The following TBC1D15 variants were observed in gnomAD, a reference collection of about 807,000 sequenced individuals.
The protein encoded by TBC1D15 is GAP for RAB7.
TBC1D15 carries 39 observed loss-of-function variants against 95.4 expected under a neutral mutation model. The observed-to-expected ratio is 0.41, with a 90% CI of 0.32 to 0.53. The LOEUF (loss-of-function observed/expected upper bound fraction) is 0.53. Among genes scored for constraint, TBC1D15 ranks in the 20% least tolerant of loss-of-function variants. TBC1D15 has a pLI of 0.29. For missense variants in TBC1D15, 733 were observed against 794.3 expected (o/e 0.92, Z 0.93); for synonymous variants, 258 against 261.3 (o/e 0.99, Z 0.12).
chr12:71,852,153 G>A (rs1887986241), intron 1 of TBC1D15, among the ~76,000 whole-genome samples: 1 of 152,192 alleles, frequency 6.6e-6, no homozygotes, highest in Admixed American at 6.5e-5. Context: ...AACTGCTATG[G>A]CTTATAGCTT....
At chr12:71,901,048 A>G (rs142519492) in intron 10 of TBC1D15, among the ~76,000 whole-genome samples, 11 of 152,276 alleles carry the variant, frequency 7.2e-5, no homozygotes, top group Non-Finnish European at 1.6e-4. Context: ...TTTGTCTTTC[A>G]AGAGACAGAT....
At chr12:71,875,337 C>T (rs1052474810) in intron 3 of TBC1D15, among the ~76,000 whole-genome samples, 1 of 152,076 alleles carries the variant, frequency 6.6e-6, no homozygotes, top group Admixed American at 6.5e-5. Context: ...TGTTTTTTCA[C>T]TTTCTTTTTG....
At position 71,907,150 on chromosome 12, in the gene TBC1D15, A is replaced by G. The variant is rs539515692; in HGVS notation, c.1300+12A>G. On this transcript the variant is annotated intron_variant, in intron 11 of 16. Transcript: ENST00000485960. ...TGATTTTGATTTAGGTAAGTTCTCT[A>G]AAGTTCTAATTTTAAAAGATGTAAA... 1.0e-4 allele frequency: 147 copies of G among 1,475,366 alleles called. No individual in the cohort carries two copies. The East Asian group carries it at 1.6e-3, about 16-fold the overall frequency. 91.4% of individuals were successfully genotyped at this position (1,475,366 alleles called of 1,614,324 possible).
chr12:71,840,393 A>G (rs1884667349), intron 1 of TBC1D15, among the ~76,000 whole-genome samples: 2 of 152,154 alleles, frequency 1.3e-5, no homozygotes, highest in Non-Finnish European at 2.9e-5. Flanking sequence ...GGAGATTTAC[A>G]CCATCCTGTG....
intron 3 of TBC1D15, among the ~76,000 whole-genome samples, chr12:71,874,302 G>T (rs1893310148): frequency 6.6e-6 from 1 of 152,140 alleles, no homozygotes; most frequent in African/African-American, 2.4e-5. Flanking sequence ...GAAGTTGTAT[G>T]TCGTTGTGGT....
intron 14 of TBC1D15, among the ~76,000 whole-genome samples, chr12:71,919,201 CTTT>C (rs34109729): frequency 4.0e-4 from 53 of 131,398 alleles, no homozygotes; most frequent in Non-Finnish European, 5.7e-4. Flanking sequence ...AATCAGTGTG[CTTT>C]TTTTTTTTTT....
intron 1 of TBC1D15, among the ~76,000 whole-genome samples, chr12:71,846,772 T>C (rs1886382978): frequency 1.3e-5 from 2 of 150,380 alleles, no homozygotes; most frequent in Admixed American, 1.3e-4. Flanking sequence ...TTTTTTTTTT[T>C]TTGCCCTGAG....
At chr12:71,840,125 C>G (rs1006756234) in intron 1 of TBC1D15, among the ~76,000 whole-genome samples, 1 of 152,198 alleles carries the variant, frequency 6.6e-6, no homozygotes, top group Non-Finnish European at 1.5e-5. Flanking sequence ...CCCCGATTCA[C>G]TGTTTCTTGA....
rs77229940 is a variant in TBC1D15, at chr12:71,880,162, T to G, written c.205-307T>G. Among the ~76,000 whole-genome samples the G allele has an allele frequency of 9.0e-4, 137 of 152,206 alleles. 1 individual carries two copies. The East Asian group carries it at 0.02, about 22-fold the overall frequency. On this transcript the variant is annotated intron_variant, in intron 3 of 16. Coordinates refer to ENST00000485960, the MANE Select transcript of TBC1D15 (RefSeq NM_001146213.3). ...TTTATTTTTAGGCAGCATGGTTACA[T>G]TCAAAGCAGGAAAAAGGAAAAAAAG... is the stretch of plus-strand genomic sequence containing the variant.
rs73336882 is a variant in TBC1D15 at position 71,918,675 on chromosome 12, A to T, written c.1599+127A>T. ...AAGGCAAGTATGTTCCAAAATTCTG[A>T]TGAACTGGTAGCCTCTTCTTAAAAA... On this transcript the variant is annotated intron_variant, in intron 14 of 16. Transcript: ENST00000485960. The T allele has an allele frequency of 9.1e-3, 5,278 of 577,750 alleles. 239 individuals carry two copies. In the African/African-American group the frequency reaches 0.092, roughly 10 times the overall value. 35.8% of individuals were successfully genotyped at this position (577,750 alleles called of 1,614,324 possible). A position where few individuals can be genotyped will look rare whatever the true frequency, so the allele number is the denominator to read the frequency against.
Position 71,884,820 on chromosome 12 carries a change from G to A in TBC1D15, c.353G>A (p.Ser118Asn), listed in dbSNP as rs773508285. Residue 118 changes from serine (S) to asparagine (N), a missense_variant, in exon 5 of 17, where the codon AGT (serine) becomes AAT (asparagine). Coordinates refer to ENST00000485960, the MANE Select transcript of TBC1D15 (RefSeq NM_001146213.3). ...CTTTCTTGTTTTTAAGATGCTCCAAGTCATAGAAATGGGAAAAGCAAATGG... is the reference window on the plus strand; with the variant it reads ...CTTTCTTGTTTTTAAGATGCTCCAAATCATAGAAATGGGAAAAGCAAATGG... ...RKPHTNGDAP[S>N]HRNGKSKWSF... The A allele has an allele frequency of 5.0e-6, 8 of 1,613,878 alleles. No homozygotes were observed. The highest frequency in any genetic ancestry group is 6.8e-6 in the Non-Finnish European group (8 of 1,179,862).
chr12:71,895,917 G>A lies in TBC1D15; in HGVS notation c.856-30G>A, dbSNP rs374953377. On this transcript the variant is annotated intron_variant, in intron 7 of 16. Coordinates refer to ENST00000485960, the MANE Select transcript of TBC1D15 (RefSeq NM_001146213.3). The stretch of plus-strand genomic sequence containing the variant: ...TTATTTCATTTCACTGGTTAAATAT[G>A]TACTTATTATTGCTTAATCTTATTT... 1,509 of 1,602,208 alleles carry A rather than the reference G, an allele frequency of 9.4e-4. 31 individuals are homozygous for A. In the South Asian group the frequency reaches 0.016, roughly 17 times the overall value.
At chr12:71,902,853 C>CTG (rs1226505009) in intron 10 of TBC1D15, among the ~76,000 whole-genome samples, 1 of 152,178 alleles carries the variant, frequency 6.6e-6, no homozygotes, top group African/African-American at 2.4e-5. Context: ...TACCCAGAAT[C>CTG]TGTAAGGAAC....
rs1446506063 is a variant in TBC1D15, at chr12:71,884,998, T to A, written c.531T>A (p.Leu177=). ...ATAGCAAACTACTGATTGAATCTCT[T>A]GAAAAATATGTGGTATTGTGTGAGT... ...QGDSKLLIES[L]EKYVVLCESP... is the part of the protein sequence containing the mutation. The change falls in exon 5 of 17, where the codon CTT becomes CTA. Residue 177 remains leucine (L), a synonymous_variant. Transcript: ENST00000485960. 1 of 1,613,672 alleles carries A rather than the reference T, an allele frequency of 6.2e-7. No individual in the cohort carries two copies. The highest frequency in any genetic ancestry group is 8.5e-7 in the Non-Finnish European group (1 of 1,179,806).
At chr12:71,896,802 A>G (rs753265903) in intron 9 of TBC1D15, 22 bp downstream of exon 9, 4 of 1,583,300 alleles carry the variant, frequency 2.5e-6, no homozygotes, top group Non-Finnish European at 3.5e-6. Context: ...TCTTTCGTAC[A>G]TTTATCAAAG....
chr12:71,922,253 T>G (rs759434853), intron 16 of TBC1D15, among the ~76,000 whole-genome samples: 1 of 152,120 alleles, frequency 6.6e-6, no homozygotes, highest in Non-Finnish European at 1.5e-5. Context: ...CCTGGCTAAT[T>G]TTTGTATTTT....
intron 3 of TBC1D15, among the ~76,000 whole-genome samples, chr12:71,875,367 C>T (rs914146390): frequency 1.3e-4 from 20 of 152,120 alleles, no homozygotes; most frequent in South Asian, 6.2e-4. Context: ...GAAGCACAAA[C>T]GGTTTTAATT....
intron 3 of TBC1D15, among the ~76,000 whole-genome samples, chr12:71,876,787 A>AT (rs200390829): frequency 0.072 from 9,856 of 136,120 alleles, 473 homozygotes; most frequent in South Asian, 0.16. Context: ...TTTCCCGTGG[A>AT]TTTTTTTTTT....
At chr12:71,846,363 T>G (rs1565934780) in intron 1 of TBC1D15, among the ~76,000 whole-genome samples, 1 of 152,230 alleles carries the variant, frequency 6.6e-6, no homozygotes, top group South Asian at 2.1e-4. Context: ...CCTCCTTTTT[T>G]TTGTAGTATT....
Sources: gnomAD v4.1 joint callset for allele counts (sites outside exome capture counted in the v4.1 genomes callset) on GRCh38, gnomAD v4.1.1 for gene constraint, MANE v1.5 for transcripts, NCBI Gene and HGNC (gene_info 2026-07-23, HGNC 2026-07-21) for gene names.